Variants in SLC13A2 observed in about 807,000 individuals in gnomAD.
SLC13A2 encodes the protein Na(+)-coupled citrate transporter.
A neutral mutation model predicts 58.5 loss-of-function variants in SLC13A2; 40 were observed. The observed-to-expected ratio is 0.68, with a 90% confidence interval of 0.53 to 0.89. The LOEUF is 0.89. Ranked by LOEUF, SLC13A2 falls within the 40% of genes least tolerant of loss-of-function variation. The pLI is 0.00. For synonymous variants in SLC13A2, 341 were observed against 331.6 expected (o/e 1.03, Z -0.31); for missense variants, 694 against 772.6 (o/e 0.90, Z 1.21).
At chr17:28,480,163 A>G (rs1404424562) in intron 1 of SLC13A2, among the ~76,000 whole-genome samples, 7 of 151,690 alleles carry the variant, frequency 4.6e-5, no homozygotes, top group African/African-American at 1.7e-4. Flanking sequence ...CAAAAAAAAA[A>G]AAAAGGGGGG....
intron 7 of SLC13A2, 102 bp from the exon 8 acceptor site, chr17:28,493,915 G>T: frequency 6.8e-7 from 1 of 1,466,694 alleles, no homozygotes; most frequent in Non-Finnish European, 9.5e-7. Flanking sequence ...GGTTCCCCAG[G>T]CTTGTCTATG....
chr17:28,491,605 G>T lies in SLC13A2; in HGVS notation c.743G>T (p.Gly248Val), dbSNP rs199692934. 9.3e-6 allele frequency: 15 copies of T among 1,612,852 alleles called. No homozygotes were observed. The highest frequency in any genetic ancestry group is 1.3e-5 in the Non-Finnish European group (15 of 1,179,668). The change falls in exon 5 of 12, where the codon GGC becomes GTC. Residue 248 changes from glycine to valine, a missense_variant. Physicochemically the swap from Gly to Val is moderately radical, Grantham distance 109. Transcript: ENST00000314669. Reference sequence around the variant, plus strand: ...ACCGCACCCAACCTGGTGCTGCAAGGCCAGATCAACTCGTGAGTGACAAGG... The same window carrying T: ...ACCGCACCCAACCTGGTGCTGCAAGTCCAGATCAACTCGTGAGTGACAAGG... ...TGTAPNLVLQ[G>V]QINSLFPQNG...
At chr17:28,476,789 G>A (rs1234435760) in intron 1 of SLC13A2, among the ~76,000 whole-genome samples, 5 of 152,036 alleles carry the variant, frequency 3.3e-5, no homozygotes, top group African/African-American at 9.7e-5. Context: ...CTAGAATGTC[G>A]GCTCCGTGAG....
intron 1 of SLC13A2, among the ~76,000 whole-genome samples, chr17:28,484,076 T>C (rs1196518560): frequency 1.3e-5 from 2 of 152,190 alleles, no homozygotes; most frequent in African/African-American, 2.4e-5. Flanking sequence ...ACTCATTCAG[T>C]GTCAACTCTG....
chr17:28,491,854 T>C lies in SLC13A2; in HGVS notation c.878+2T>C, dbSNP rs2069034004. On this transcript the variant is annotated splice_donor_variant, in intron 6 of 11. Transcript: ENST00000314669. LOFTEE classifies it high-confidence loss of function. ...GCAGATCCTCTTCCTGGGCTTCAAGTAAGTGGCAAAGTTGGTGAGAGAAGC... is the reference window on the plus strand; with the variant it reads ...GCAGATCCTCTTCCTGGGCTTCAAGCAAGTGGCAAAGTTGGTGAGAGAAGC... 6.2e-7 allele frequency: 1 copy of C among 1,613,740 alleles called. No individual in the cohort carries two copies. Among genetic ancestry groups the C allele is most frequent in the Non-Finnish European group, 8.5e-7 (1 of 1,179,706 alleles).
At chr17:28,476,601 T>G (rs1255177535) in intron 1 of SLC13A2, among the ~76,000 whole-genome samples, 1 of 151,868 alleles carries the variant, frequency 6.6e-6, no homozygotes, top group African/African-American at 2.4e-5. Flanking sequence ...TCTGGACTGC[T>G]CTCCCAGATA....
chr17:28,491,678 G>A (rs2069026928), intron 5 of SLC13A2, 52 bp from the exon 6 acceptor site: 2 of 1,610,114 alleles, frequency 1.2e-6, no homozygotes, highest in African/African-American at 1.3e-5. Flanking sequence ...GGTGAATGGG[G>A]CTGGGCAGTT....
rs187923118 is a variant in SLC13A2, at chr17:28,494,929, G to A, written c.1308+417G>A. On this transcript the variant is annotated intron_variant, in intron 9 of 11. Coordinates refer to ENST00000314669, the MANE Select transcript of SLC13A2 (RefSeq NM_003984.4). The surrounding 1 kb of genome is among the most constrained non-coding windows in gnomAD (Gnocchi z 4.0). ...ACACCCACCCAGGCTCTGGGGACCA[G>A]AACATCTTTCCCCAGAGCCTCCATC... Among the ~76,000 whole-genome samples, 71 of 152,222 alleles carry A rather than the reference G, an allele frequency of 4.7e-4. No homozygotes were observed. The highest frequency in any genetic ancestry group is 1.5e-3 in the African/African-American group (62 of 41,530).
At chr17:28,475,341 C>A (rs1555599700) in intron 1 of SLC13A2, among the ~76,000 whole-genome samples, 4 of 152,162 alleles carry the variant, frequency 2.6e-5, no homozygotes, top group African/African-American at 9.7e-5. Context: ...GCTGCCAGCC[C>A]CATCCTGACT....
At chr17:28,476,604 C>T (rs1186877589) in intron 1 of SLC13A2, among the ~76,000 whole-genome samples, 2 of 152,100 alleles carry the variant, frequency 1.3e-5, no homozygotes, top group Non-Finnish European at 2.9e-5. Context: ...GGACTGCTCT[C>T]CCAGATACCT....
Position 28,494,494 on chromosome 17 carries a change from C to G in SLC13A2, c.1290C>G (p.Ala430=). 1 of 1,613,940 alleles carries G rather than the reference C, an allele frequency of 6.2e-7. No homozygotes were observed. The highest frequency in any genetic ancestry group is 2.2e-5 in the East Asian group (1 of 44,854). The change falls in exon 9 of 12, where the codon GCC becomes GCG. Residue 430 remains alanine, a synonymous_variant. Coordinates refer to ENST00000314669, the MANE Select transcript of SLC13A2 (RefSeq NM_003984.4). The surrounding 1 kb of genome is among the most constrained non-coding windows in gnomAD (Gnocchi z 4.0). ...NIVLLLGGGY[A]LAKGSERSGL... Reference sequence around the variant, plus strand: ...TGTTATTGCTGGGTGGTGGCTATGCCCTGGCCAAGGGCAGTGAGGTGAGAG... The same window carrying G: ...TGTTATTGCTGGGTGGTGGCTATGCGCTGGCCAAGGGCAGTGAGGTGAGAG...
At chr17:28,488,911 A>G (rs562066013) in intron 1 of SLC13A2, among the ~76,000 whole-genome samples, 4 of 152,290 alleles carry the variant, frequency 2.6e-5, no homozygotes, top group Admixed American at 1.3e-4. Flanking sequence ...TGGGATCCTC[A>G]GCTGGGCCCC....
intron 1 of SLC13A2, among the ~76,000 whole-genome samples, chr17:28,481,521 C>T (rs1555601132): frequency 1.3e-5 from 2 of 152,142 alleles, no homozygotes; most frequent in African/African-American, 4.8e-5. Flanking sequence ...AGAAGCAGCA[C>T]CCCAGGTGAC....
intron 1 of SLC13A2, among the ~76,000 whole-genome samples, chr17:28,480,262 A>C (rs1363034418): frequency 6.6e-6 from 1 of 151,968 alleles, no homozygotes; most frequent in Non-Finnish European, 1.5e-5. Flanking sequence ...TGAGCCAGGG[A>C]GGTCAAGGCT....
At chr17:28,491,926 G>T in intron 6 of SLC13A2, 74 bp downstream of exon 6, 1 of 1,553,154 alleles carries the variant, frequency 6.4e-7, no homozygotes, top group Non-Finnish European at 8.7e-7. Flanking sequence ...GGGTGCAGAT[G>T]TGGAAAATGA....
chr17:28,489,069 C>G (rs2068947382), intron 1 of SLC13A2, 145 bp from the exon 2 acceptor site: 2 of 928,088 alleles, frequency 2.2e-6, no homozygotes, highest in Non-Finnish European at 1.6e-6. Flanking sequence ...GAAATGAGAC[C>G]TTGGGCTTGG....
Position 28,489,210 on chromosome 17 carries a change from G to T in SLC13A2, c.103-4G>T, listed in dbSNP as rs781943316. The stretch of plus-strand genomic sequence containing the variant: ...CAGCTCTGCCGCTTCTCTCCCACCT[G>T]CAGGAGGCCTACTGCGCGTATGCCA... On this transcript the variant is annotated splice_polypyrimidine_tract_variant and splice_region_variant and intron_variant, in intron 1 of 11. Transcript: ENST00000314669. The T allele has an allele frequency of 5.6e-6, 9 of 1,613,052 alleles. No individual in the cohort carries two copies. The Admixed American group carries it at 8.3e-5, about 15-fold the overall frequency.
rs1196733039 is a variant in SLC13A2, at chr17:28,486,373, TA to T, written c.103-2837del. 3.9e-5 allele frequency among the ~76,000 whole-genome samples: 6 copies of T among 152,362 alleles called. No homozygotes were observed. In the East Asian group the frequency reaches 1.2e-3, roughly 29 times the overall value. On this transcript the variant is annotated intron_variant, in intron 1 of 11. Transcript: ENST00000314669. ...CCTTAGTTCGATGTTCTTGAATAGA[TA>T]AAATAGTTTTCCCATTTATCTTCAT... is the stretch of plus-strand genomic sequence containing the variant.
At chr17:28,495,525 C>T in intron 9 of SLC13A2, 130 bp from the exon 10 acceptor site, 1 of 920,556 alleles carries the variant, frequency 1.1e-6, no homozygotes, top group Non-Finnish European at 1.7e-6. Flanking sequence ...CCTATCATCC[C>T]TTTAGAGCTG....
Sources: gnomAD v4.1 joint callset for allele counts (sites outside exome capture counted in the v4.1 genomes callset) on GRCh38, gnomAD v4.1.1 for gene constraint, Gnocchi (gnomAD v3.1) non-coding constraint, MANE v1.5 for transcripts, NCBI Gene and HGNC (gene_info 2026-07-23, HGNC 2026-07-21) for gene names.